Variants in PTPRD observed in about 807,000 individuals in gnomAD.
PTPRD encodes receptor-type tyrosine-protein phosphatase delta.
A neutral mutation model predicts 214.5 loss-of-function variants in PTPRD; 34 were observed. The observed-to-expected ratio is 0.16, with a 90% confidence interval of 0.12 to 0.21. The LOEUF is 0.21. Among genes scored for constraint, PTPRD ranks in the 10% least tolerant of loss-of-function variants. PTPRD has a pLI of 1.00. For missense variants in PTPRD, 2,545 were observed against 2,398.7 expected, an observed-to-expected ratio of 1.06 and a Z score of -1.27; for synonymous variants, 1,128 against 845.7, an observed-to-expected ratio of 1.33 and a Z score of -5.79.
At chr9:10,466,103 T>C (rs1349334074) in intron 2 of PTPRD, among the ~76,000 whole-genome samples, 1 of 152,200 alleles carries the variant, frequency 6.6e-6, no homozygotes, top group African/African-American at 2.4e-5. Flanking sequence ...CTATGATTTG[T>C]TGAATGATAA....
rs1024644798 is a variant in PTPRD, at chr9:10,224,730, A to C, written c.-545+116233T>G. On this transcript the variant is annotated intron_variant, in intron 3 of 45. Transcript: ENST00000381196. ...CACATTTTCTTCCACTTTCACTTCC[A>C]CTGAGACAGGAAGACCAACTCTCCT... is the stretch of plus-strand genomic sequence containing the variant. Among the ~76,000 whole-genome samples the C allele has an allele frequency of 2.6e-5, 4 of 152,048 alleles. No individual in the cohort carries two copies. The East Asian group carries it at 7.8e-4, about 30-fold the overall frequency.
chr9:9,217,609 ATTATTCCCTTCCT>A (rs376467490), intron 9 of PTPRD, among the ~76,000 whole-genome samples: 62 of 152,100 alleles, frequency 4.1e-4, no homozygotes, highest in African/African-American at 1.5e-3. Flanking sequence ...ACTTGAGCAT[ATTATTCCCTTCCT>A]TAAAAAGTTT....
At chr9:9,214,966 A>G (rs989238759) in intron 9 of PTPRD, among the ~76,000 whole-genome samples, 5 of 152,212 alleles carry the variant, frequency 3.3e-5, no homozygotes, top group Non-Finnish European at 7.3e-5. Context: ...CTGGGTTCAG[A>G]GTCTATGCTC....
intron 6 of PTPRD, among the ~76,000 whole-genome samples, chr9:9,757,251 T>C (rs928725009): frequency 1.3e-5 from 2 of 152,138 alleles, no homozygotes; most frequent in African/African-American, 4.8e-5. Flanking sequence ...TAATATTTAC[T>C]CTTCGGTTAA....
chr9:9,935,680 C>G (rs2089010604), intron 5 of PTPRD, among the ~76,000 whole-genome samples: 1 of 147,650 alleles, frequency 6.8e-6, no homozygotes, highest in Admixed American at 6.6e-5. Context: ...CAATGCCATC[C>G]CCATCAAGCT....
intron 5 of PTPRD, among the ~76,000 whole-genome samples, chr9:9,777,915 G>C (rs375816911): frequency 2.8e-4 from 43 of 152,158 alleles, no homozygotes; most frequent in Admixed American, 2.7e-3. Context: ...ATGAGTCATT[G>C]TCTATAATGC....
intron 9 of PTPRD, among the ~76,000 whole-genome samples, chr9:9,372,975 C>G (rs1010212667): frequency 2.0e-5 from 3 of 152,024 alleles, no homozygotes; most frequent in Non-Finnish European, 2.9e-5. Flanking sequence ...ACAAAAAATA[C>G]CAGTTTAGAG....
chr9:9,926,502 G>A (rs2084363670), intron 5 of PTPRD, among the ~76,000 whole-genome samples: 2 of 152,016 alleles, frequency 1.3e-5, no homozygotes, highest in South Asian at 4.1e-4. Flanking sequence ...AATACATGAT[G>A]AATGCATACA....
intron 8 of PTPRD, among the ~76,000 whole-genome samples, chr9:9,410,553 G>C (rs1288079045): frequency 6.6e-6 from 1 of 152,058 alleles, no homozygotes; most frequent in Non-Finnish European, 1.5e-5. Flanking sequence ...GCAAAAACCA[G>C]AGTAGCCAGA....
intron 6 of PTPRD, among the ~76,000 whole-genome samples, chr9:9,737,743 G>C (rs1403182745): frequency 6.6e-6 from 1 of 152,124 alleles, no homozygotes; most frequent in Non-Finnish European, 1.5e-5. Flanking sequence ...ACTAGCCGAA[G>C]GACATTTAGG....
chr9:8,739,187 AG>A (rs1194657553), intron 11 of PTPRD, among the ~76,000 whole-genome samples: 5 of 152,330 alleles, frequency 3.3e-5, no homozygotes, highest in African/African-American at 1.2e-4. Context: ...CAGAGGCTTC[AG>A]GGGGCACCCC....
intron 33 of PTPRD, 50 bp from the exon 34 acceptor site, chr9:8,449,887 C>G (rs971836509): frequency 4.4e-6 from 7 of 1,577,194 alleles, no homozygotes; most frequent in Admixed American, 1.7e-5. Context: ...TCAATTGAAA[C>G]AGATAGAAAA....
At chr9:8,590,308 A>G (rs1356292832) in intron 14 of PTPRD, among the ~76,000 whole-genome samples, 3 of 152,180 alleles carry the variant, frequency 2.0e-5, no homozygotes. Context: ...ATATCCAAGA[A>G]TAATAATGAC....
At chr9:9,043,836 G>T (rs1020996898) in intron 10 of PTPRD, among the ~76,000 whole-genome samples, 1 of 151,478 alleles carries the variant, frequency 6.6e-6, no homozygotes, top group Non-Finnish European at 1.5e-5. Flanking sequence ...CTTGGGAGGC[G>T]GAGGTTGCAA....
intron 11 of PTPRD, among the ~76,000 whole-genome samples, chr9:8,876,954 G>C (rs2098398228): frequency 6.6e-6 from 1 of 150,524 alleles, no homozygotes; most frequent in Non-Finnish European, 1.5e-5. Context: ...TTGAGAGGAA[G>C]TCTCTCTCTG....
At chr9:10,083,915 A>G (rs1218337229) in intron 3 of PTPRD, among the ~76,000 whole-genome samples, 1 of 152,018 alleles carries the variant, frequency 6.6e-6, no homozygotes, top group Non-Finnish European at 1.5e-5. Flanking sequence ...CTAACAGACC[A>G]GTCCCTGTCT....
At chr9:9,051,350 A>G (rs918208797) in intron 10 of PTPRD, among the ~76,000 whole-genome samples, 2 of 152,208 alleles carry the variant, frequency 1.3e-5, no homozygotes, top group Non-Finnish European at 2.9e-5. Context: ...AAATTGGCCA[A>G]CATGCATTGC....
chr9:10,389,249 A>T (rs16925940), intron 2 of PTPRD, among the ~76,000 whole-genome samples: 1 of 151,888 alleles, frequency 6.6e-6, no homozygotes, highest in Non-Finnish European at 1.5e-5. Context: ...TGAAAGGTTT[A>T]CAAATAACAG....
chr9:8,966,293 G>C (rs915363140), intron 11 of PTPRD, among the ~76,000 whole-genome samples: 25 of 151,876 alleles, frequency 1.6e-4, no homozygotes. Context: ...AATAGCCAAA[G>C]CAATCCTAAG....
Sources: allele counts gnomAD v4.1 joint callset (sites outside exome capture counted in the v4.1 genomes callset), GRCh38; gene constraint gnomAD v4.1.1; transcripts MANE v1.5; gene names NCBI Gene and HGNC (gene_info 2026-07-23, HGNC 2026-07-21).